FAT3: variants seen among roughly 807,000 people sequenced by gnomAD.
The protein encoded by FAT3 is FAT atypical cadherin 3, also known as protocadherin Fat 3.
FAT3 carries 95 observed loss-of-function variants against 310.2 expected under a neutral mutation model. That is an observed-to-expected ratio of 0.31 (90% CI 0.26 to 0.36). The LOEUF is 0.36. Among genes scored for constraint, FAT3 ranks in the 10% least tolerant of loss-of-function variants. The pLI, the probability that FAT3 is intolerant of heterozygous loss-of-function variation, is 1.00. For synonymous variants in FAT3, 2,314 were observed against 2,192.9 expected, an observed-to-expected ratio of 1.06 and a Z score of -1.54; for missense variants, 5,408 against 5,715.6, an observed-to-expected ratio of 0.95 and a Z score of 1.74.
chr11:92,490,116 T>C (rs1305956712), intron 2 of FAT3, among the ~76,000 whole-genome samples: 1 of 152,128 alleles, frequency 6.6e-6, no homozygotes. Context: ...GAAAATATAC[T>C]TTTTTAAGAA....
chr11:92,840,900 A>G, intron 18 of FAT3, 141 bp downstream of exon 18: 2 of 796,724 alleles, frequency 2.5e-6, no homozygotes, highest in Non-Finnish European at 3.6e-6. Context: ...TTAATCTCAA[A>G]TTCAATTTCA....
At chr11:92,348,549 C>T (rs190995529) in intron 1 of FAT3, among the ~76,000 whole-genome samples, 1 of 152,294 alleles carries the variant, frequency 6.6e-6, no homozygotes, top group Non-Finnish European at 1.5e-5. Flanking sequence ...GAAGAAATAA[C>T]ACCAGGGAGA....
intron 3 of FAT3, among the ~76,000 whole-genome samples, chr11:92,578,927 T>A (rs371771347): frequency 7.8e-4 from 118 of 152,230 alleles, no homozygotes; most frequent in African/African-American, 2.6e-3. Context: ...ACAGACGTGT[T>A]GAAAGGAATG....
chr11:92,599,118 G>A (rs1379461430), intron 3 of FAT3, among the ~76,000 whole-genome samples: 2 of 152,160 alleles, frequency 1.3e-5, no homozygotes, highest in African/African-American at 2.4e-5. Flanking sequence ...ATTCAGGGGA[G>A]TACACTTCTT....
At chr11:92,730,282 G>A (rs746546948) in intron 4 of FAT3, among the ~76,000 whole-genome samples, 4 of 152,154 alleles carry the variant, frequency 2.6e-5, no homozygotes, top group Non-Finnish European at 5.9e-5. Context: ...AGGCTGCAGT[G>A]AGCCATGATC....
At chr11:92,652,236 G>A (rs542519390) in intron 3 of FAT3, among the ~76,000 whole-genome samples, 10 of 152,126 alleles carry the variant, frequency 6.6e-5, no homozygotes, top group South Asian at 6.2e-4. Context: ...ACTTTTATCC[G>A]CTGGGCACAA....
At chr11:92,652,264 C>T (rs1942408293) in intron 3 of FAT3, among the ~76,000 whole-genome samples, 1 of 152,192 alleles carries the variant, frequency 6.6e-6, no homozygotes, top group African/African-American at 2.4e-5. Flanking sequence ...CCCCTGGCCA[C>T]ACAAATCCAT....
intron 2 of FAT3, among the ~76,000 whole-genome samples, chr11:92,459,923 A>G (rs1446955617): frequency 6.6e-6 from 1 of 152,134 alleles, no homozygotes; most frequent in African/African-American, 2.4e-5. Flanking sequence ...TTCAAAGTAT[A>G]ATATTAAGCA....
chr11:92,662,087 C>T (rs958089366), intron 3 of FAT3, among the ~76,000 whole-genome samples: 2 of 152,078 alleles, frequency 1.3e-5, no homozygotes, highest in African/African-American at 4.8e-5. Context: ...CCAGACCAGA[C>T]CAGTATAGAT....
intron 4 of FAT3, among the ~76,000 whole-genome samples, chr11:92,705,780 A>ATGGTGGTGGTGTGATGGTGTTGGTGT (rs1944311567): frequency 3.9e-5 from 1 of 25,974 alleles, no homozygotes; most frequent in Non-Finnish European, 7.1e-5. Context: ...GGTGGTGGTG[A>ATGGTGGTGGTGTGATGGTGTTGGTGT]TGGTGGTGGT....
At chr11:92,282,448 T>C (rs1267365100) in intron 1 of FAT3, among the ~76,000 whole-genome samples, 2 of 152,058 alleles carry the variant, frequency 1.3e-5, no homozygotes, top group African/African-American at 2.4e-5. Flanking sequence ...ATGGATCACC[T>C]GAGGTCAGGC....
At chr11:92,442,364 C>T (rs546204610) in intron 2 of FAT3, among the ~76,000 whole-genome samples, 3 of 150,358 alleles carry the variant, frequency 2.0e-5, no homozygotes, top group African/African-American at 4.9e-5. Flanking sequence ...CTGCCTGCCT[C>T]GGCCTCCCAA....
chr11:92,679,026 T>A (rs1943382363), intron 3 of FAT3, among the ~76,000 whole-genome samples: 1 of 152,198 alleles, frequency 6.6e-6, no homozygotes, highest in South Asian at 2.1e-4. Context: ...TTTTTAGCAC[T>A]CATTTAATCG....
intron 3 of FAT3, among the ~76,000 whole-genome samples, chr11:92,595,900 C>G (rs929798917): frequency 6.6e-6 from 1 of 152,116 alleles, no homozygotes; most frequent in Non-Finnish European, 1.5e-5. Context: ...GCTTGGGATC[C>G]GGGTTCCTGG....
intron 19 of FAT3, among the ~76,000 whole-genome samples, chr11:92,846,163 G>A (rs3847540): frequency 0.34 from 51,515 of 151,928 alleles, 9,369 homozygotes; most frequent in South Asian, 0.5. Context: ...GTCTGTATGC[G>A]GTGATTCACA....
intron 3 of FAT3, among the ~76,000 whole-genome samples, chr11:92,635,297 A>G (rs969817921): frequency 1.3e-5 from 2 of 152,186 alleles, no homozygotes; most frequent in African/African-American, 2.4e-5. Context: ...CAAAATTTTC[A>G]GCAGGACATT....
chr11:92,435,523 C>CCTTCCTTTG (rs1950914111), intron 2 of FAT3, among the ~76,000 whole-genome samples: 1 of 141,550 alleles, frequency 7.1e-6, no homozygotes, highest in African/African-American at 2.7e-5. Flanking sequence ...TCCTTCCTTT[C>CCTTCCTTTG]TCTTTCTTTC....
intron 7 of FAT3, among the ~76,000 whole-genome samples, chr11:92,777,524 T>C (rs1243303024): frequency 6.6e-6 from 1 of 152,254 alleles, no homozygotes; most frequent in East Asian, 1.9e-4. Flanking sequence ...GAACAAAGCA[T>C]CCCAACACTG....
chr11:92,308,769 G>A (rs531114511), intron 1 of FAT3, among the ~76,000 whole-genome samples: 1 of 152,206 alleles, frequency 6.6e-6, no homozygotes, highest in South Asian at 2.1e-4. Context: ...GCCAAGTCAT[G>A]CCCTCTGTAT....
Sources: gnomAD v4.1 joint callset for allele counts (sites outside exome capture counted in the v4.1 genomes callset) on GRCh38, gnomAD v4.1.1 for gene constraint, MANE v1.5 for transcripts, NCBI Gene and HGNC (gene_info 2026-07-23, HGNC 2026-07-21) for gene names.